Variants in DBNDD1 observed in about 807,000 individuals in gnomAD.
DBNDD1 encodes dysbindin domain-containing protein 1.
In DBNDD1, 14 loss-of-function variants were observed where a neutral mutation model predicts 17.0. That is an observed-to-expected ratio of 0.82 (90% CI 0.54 to 1.29). DBNDD1 has a LOEUF of 1.29. Among genes scored for constraint, DBNDD1 ranks in the 50% most tolerant of loss-of-function variants. The pLI, the probability that DBNDD1 is intolerant of heterozygous loss-of-function variation, is 0.00. For synonymous variants in DBNDD1, 105 were observed against 102.0 expected, an observed-to-expected ratio of 1.03 and a Z score of -0.18; for missense variants, 221 against 216.2, an observed-to-expected ratio of 1.02 and a Z score of -0.14.
Position 90,009,416 on chromosome 16 carries a change from C to G in DBNDD1, c.46G>C (p.Ala16Pro), listed in dbSNP as rs745510780. 1 of 1,611,902 alleles carries G rather than the reference C, an allele frequency of 6.2e-7. No homozygotes were observed. Among genetic ancestry groups the G allele is most frequent in the Non-Finnish European group, 8.5e-7 (1 of 1,180,006 alleles). ...CCCAGCGCAGCCTGCGGCACCTCAG[C>G]CTCCTTAACGATCTCTGCATCCAAA... ...GAGTGEIVKEAEVPQAALGVP... is the reference protein window; with the variant it reads ...GAGTGEIVKEPEVPQAALGVP... The change falls in exon 2 of 4, where the codon GCT becomes CCT. Residue 16 changes from alanine (A) to proline (P), a missense_variant. Coordinates refer to ENST00000002501, the MANE Select transcript of DBNDD1 (RefSeq NM_001042610.3).
intron 1 of DBNDD1, chr16:90,010,112 C>T: frequency 1.3e-6 from 2 of 1,485,480 alleles, no homozygotes; most frequent in Non-Finnish European, 1.9e-6. Context: ...GTGGTGCAAT[C>T]TCGGCTCACT....
rs1340275645 is a variant in DBNDD1, at chr16:90,006,347, G to A, written c.465C>T (p.Pro155=). 1 of 1,608,524 alleles carries A rather than the reference G, an allele frequency of 6.2e-7. No homozygotes were observed. Among genetic ancestry groups the A allele is most frequent in the Admixed American group, 1.7e-5 (1 of 59,674 alleles). The change falls in exon 4 of 4, where the codon CCC becomes CCT. Residue 155 remains proline (P), a synonymous_variant. Transcript: ENST00000002501. Reference sequence around the variant, plus strand: ...AGGTGGAGATGGTCTAGTCCTCCTGGGGCCTCTCCACAGTGAGAAACGTGT... The same window carrying A: ...AGGTGGAGATGGTCTAGTCCTCCTGAGGCCTCTCCACAGTGAGAAACGTGT... ...VLDTFLTVER[P]QED is the part of the protein sequence containing the mutation.
intron 1 of DBNDD1, among the ~76,000 whole-genome samples, chr16:90,010,609 A>G (rs992201366): frequency 1.4e-5 from 2 of 147,530 alleles, no homozygotes; most frequent in African/African-American, 5.0e-5. Context: ...GATTATAGGC[A>G]TGAGCCACCG....
chr16:90,009,098 G>C, intron 2 of DBNDD1, 174 bp from the exon 3 acceptor site: 4 of 1,208,384 alleles, frequency 3.3e-6, no homozygotes, highest in Non-Finnish European at 4.5e-6. Context: ...CTCATGACTA[G>C]AAGGCTTTCA....
intron 1 of DBNDD1, among the ~76,000 whole-genome samples, chr16:90,017,833 A>G (rs2035669232): frequency 6.6e-6 from 1 of 152,188 alleles, no homozygotes; most frequent in South Asian, 2.1e-4. Flanking sequence ...CTGTCTTCCC[A>G]CTAACTCCCC....
chr16:90,014,419 C>T lies in DBNDD1; in HGVS notation c.31+4892G>A, dbSNP rs555461258. Among the ~76,000 whole-genome samples the T allele has an allele frequency of 1.3e-3, 198 of 152,174 alleles. 2 individuals are homozygous for T. Among genetic ancestry groups the T allele is most frequent in the African/African-American group, 4.6e-3 (191 of 41,536 alleles). On this transcript the variant is annotated intron_variant, in intron 1 of 3. Coordinates refer to ENST00000002501, the MANE Select transcript of DBNDD1 (RefSeq NM_001042610.3). ...GGATTATAGGTGTGAGCCACCGTGC[C>T]GGGCCAATACCTGCATTTTTACGAC...
chr16:90,018,392 G>T (rs1283965681), intron 1 of DBNDD1, among the ~76,000 whole-genome samples: 3 of 152,246 alleles, frequency 2.0e-5, no homozygotes, highest in African/African-American at 7.2e-5. Context: ...GGCTCCAGAG[G>T]ATGCCACTGT....
intron 1 of DBNDD1, chr16:90,009,746 G>C (rs1010619407): frequency 4.7e-6 from 3 of 637,188 alleles, no homozygotes; most frequent in African/African-American, 1.8e-5. Context: ...ACCAGGGCCC[G>C]CGTGGCTGCA....
intron 1 of DBNDD1, among the ~76,000 whole-genome samples, chr16:90,018,352 G>A (rs2035682401): frequency 6.6e-6 from 1 of 152,268 alleles, no homozygotes. Context: ...CAGGGTGGGT[G>A]GACCTGCTCC....
At chr16:90,009,563 T>C (rs1221809100) in intron 1 of DBNDD1, 133 bp from the exon 2 acceptor site, 1 of 1,378,352 alleles carries the variant, frequency 7.3e-7, no homozygotes, top group African/African-American at 1.4e-5. Flanking sequence ...GGTGATGGGA[T>C]GGCTGGGCTT....
intron 3 of DBNDD1, among the ~76,000 whole-genome samples, 158 bp downstream of exon 3, chr16:90,008,626 C>A (rs112638579): frequency 1.2e-4 from 12 of 96,418 alleles, no homozygotes; most frequent in Admixed American, 2.1e-4. Context: ...AGCCCACCAC[C>A]CACACCTCCC....
intron 1 of DBNDD1, among the ~76,000 whole-genome samples, chr16:90,013,567 C>T (rs147828861): frequency 5.8e-4 from 88 of 152,290 alleles, no homozygotes; most frequent in African/African-American, 2.0e-3. Context: ...GCAGAGGGAG[C>T]AGGAAGTCCC....
chr16:90,014,426 A>G (rs1453420548), intron 1 of DBNDD1, among the ~76,000 whole-genome samples: 1 of 152,040 alleles, frequency 6.6e-6, no homozygotes, highest in Non-Finnish European at 1.5e-5. Context: ...TGCCGGGCCA[A>G]TACCTGCATT....
At position 90,009,361 on chromosome 16, in the gene DBNDD1, C is replaced by A. The variant is rs775337811; in HGVS notation, c.101G>T (p.Gly34Val). 1 of 1,613,514 alleles carries A rather than the reference C, an allele frequency of 6.2e-7. No homozygotes were observed. Among genetic ancestry groups the A allele is most frequent in the South Asian group, 1.1e-5 (1 of 91,092 alleles). ...GVPAQGTGDN[G>V]HTPVEEEVGG... ...GACCTCCTCCTCCACAGGCGTGTGG[C>A]CATTGTCCCCTGTCCCCTGGGCTGG... The change falls in exon 2 of 4, where the codon GGC (glycine) becomes GTC (valine). Residue 34 changes from glycine (G) to valine (V), a missense_variant. Coordinates refer to ENST00000002501, the MANE Select transcript of DBNDD1 (RefSeq NM_001042610.3).
At chr16:90,012,552 T>G (rs1409247254) in intron 1 of DBNDD1, among the ~76,000 whole-genome samples, 1 of 151,676 alleles carries the variant, frequency 6.6e-6, no homozygotes, top group African/African-American at 2.4e-5. Flanking sequence ...CTCCGCCTCC[T>G]GGGTTCAAGC....
rs368847583 is a variant in DBNDD1, at chr16:90,005,981, T to C, written c.*354A>G. The C allele has an allele frequency of 6.0e-5, 13 of 215,802 alleles. 1 individual carries two copies. The highest frequency in any genetic ancestry group is 5.3e-4 in the Admixed American group (11 of 20,814). The allele number at this position is 215,802 out of a possible 1,614,324, so 13.4% of individuals were successfully genotyped here. A position where few individuals can be genotyped will look rare whatever the true frequency, so the allele number is the denominator to read the frequency against. ...CCCAAGGCCGCCGTGGGCCACTCCA[T>C]TCCTCAGCACGTTCCTGGCAGTGAC... is the stretch of plus-strand genomic sequence containing the variant. On this transcript the variant is annotated 3_prime_UTR_variant, in exon 4 of 4. Transcript: ENST00000002501.
intron 1 of DBNDD1, chr16:90,011,559 T>C: frequency 2.3e-6 from 1 of 426,988 alleles, no homozygotes; most frequent in Non-Finnish European, 4.8e-6. Flanking sequence ...GTCGGCCGTG[T>C]GGTCATTCTG....
chr16:90,015,285 C>T (rs571689351), intron 1 of DBNDD1, among the ~76,000 whole-genome samples: 28 of 152,298 alleles, frequency 1.8e-4, no homozygotes, highest in Admixed American at 7.8e-4. Context: ...ATACCAGGGA[C>T]AAGACCTGAG....
rs529446245 is a variant in DBNDD1 at position 90,012,714 on chromosome 16, C to A, written c.32-3284G>T. On this transcript the variant is annotated intron_variant, in intron 1 of 3. Transcript: ENST00000002501. ...CCTCAGGTGATCCGTCTGCCTCGGC[C>A]TCCCAAAGTGCTGGCATTACAGGCA... Among the ~76,000 whole-genome samples, 18 of 152,036 alleles carry A rather than the reference C, an allele frequency of 1.2e-4. 1 individual carries two copies. The highest frequency in any genetic ancestry group is 5.2e-4 in the Admixed American group (8 of 15,272).
Sources: gnomAD v4.1 joint callset for allele counts (sites outside exome capture counted in the v4.1 genomes callset) on GRCh38, gnomAD v4.1.1 for gene constraint, MANE v1.5 for transcripts, NCBI Gene and HGNC (gene_info 2026-07-23, HGNC 2026-07-21) for gene names.